The following SAMTOR variants were observed in gnomAD, a reference collection of about 807,000 sequenced individuals.
SAMTOR encodes UPF0532 protein C7orf60.
chr7:112,902,448 A>AAT, the SAMTOR span, among the ~76,000 whole-genome samples: 2 of 120,426 alleles, frequency 1.7e-5, no homozygotes, highest in South Asian at 5.6e-4. Flanking sequence ...ACAAAAAAAA[A>AAT]CAAAAAAAAA....
chr7:112,933,031 A>G, the SAMTOR span, among the ~76,000 whole-genome samples: 1 of 152,180 alleles, frequency 6.6e-6, no homozygotes, highest in Non-Finnish European at 1.5e-5. Flanking sequence ...TGGTGGGGGA[A>G]GGAAGAGGGG....
At chr7:112,897,047 A>C in the SAMTOR span, among the ~76,000 whole-genome samples, 22 of 152,162 alleles carry the variant, frequency 1.4e-4, no homozygotes, top group Admixed American at 5.9e-4. Flanking sequence ...CATAAAGAGG[A>C]AGGAGAGCCA....
chr7:112,884,832 A>G, the SAMTOR span, among the ~76,000 whole-genome samples: 1 of 152,196 alleles, frequency 6.6e-6, no homozygotes, highest in African/African-American at 2.4e-5. Flanking sequence ...GTGCCCCAGT[A>G]GGGACTCTGT....
chr7:112,862,913 C>G, the SAMTOR span, among the ~76,000 whole-genome samples: 4 of 145,858 alleles, frequency 2.7e-5, no homozygotes, highest in Non-Finnish European at 4.5e-5. Flanking sequence ...TGGGCGACAG[C>G]GTGAGACTCC....
chr7:112,882,766 T>TTAAA, the SAMTOR span, among the ~76,000 whole-genome samples: 12 of 120,652 alleles, frequency 9.9e-5, no homozygotes, highest in Admixed American at 1.6e-4. Flanking sequence ...CATCTTTTTT[T>TTAAA]AAAAAAAAAA....
the SAMTOR span, among the ~76,000 whole-genome samples, chr7:112,844,873 A>G: frequency 1.3e-5 from 2 of 152,180 alleles, no homozygotes; most frequent in Non-Finnish European, 2.9e-5. Context: ...ACAGTAAACA[A>G]AACAGCATGG....
At chr7:112,902,943 C>A in the SAMTOR span, among the ~76,000 whole-genome samples, 20 of 152,328 alleles carry the variant, frequency 1.3e-4, no homozygotes, top group African/African-American at 4.8e-4. Context: ...TAACAATACA[C>A]TTAACTTATA....
the SAMTOR span, among the ~76,000 whole-genome samples, chr7:112,828,597 C>T: frequency 6.6e-6 from 1 of 152,164 alleles, no homozygotes; most frequent in Non-Finnish European, 1.5e-5. Flanking sequence ...AGAGTTAGAA[C>T]TCCAACATAT....
chr7:112,841,531 C>T, the SAMTOR span, among the ~76,000 whole-genome samples: 1 of 152,056 alleles, frequency 6.6e-6, no homozygotes, highest in African/African-American at 2.4e-5. Context: ...ATGCTATCCC[C>T]ATCAAGCTAC....
chr7:112,878,448 G>C, the SAMTOR span, among the ~76,000 whole-genome samples: 13 of 152,162 alleles, frequency 8.5e-5, no homozygotes, highest in Non-Finnish European at 1.9e-4. Flanking sequence ...GGGCTTCTGA[G>C]ACTCCTAGGG....
the SAMTOR span, among the ~76,000 whole-genome samples, chr7:112,827,741 A>C: frequency 6.6e-6 from 1 of 152,116 alleles, no homozygotes; most frequent in Non-Finnish European, 1.5e-5. Flanking sequence ...TTATTTATTG[A>C]GACAGGGTCT....
At chr7:112,906,855 C>A in the SAMTOR span, among the ~76,000 whole-genome samples, 1 of 152,136 alleles carries the variant, frequency 6.6e-6, no homozygotes, top group Non-Finnish European at 1.5e-5. Context: ...TAGGCATGAG[C>A]CACCATGCCC....
the SAMTOR span, among the ~76,000 whole-genome samples, chr7:112,883,080 T>C: frequency 2.1e-4 from 32 of 152,328 alleles, no homozygotes; most frequent in South Asian, 6.2e-3. Context: ...ACAAATCTTT[T>C]AAGAATATGT....
the SAMTOR span, among the ~76,000 whole-genome samples, chr7:112,893,316 T>C: frequency 6.6e-6 from 1 of 152,246 alleles, no homozygotes; most frequent in Non-Finnish European, 1.5e-5. Flanking sequence ...TGAATGGTCT[T>C]TGGTAGATCT....
At chr7:112,915,446 C>T in the SAMTOR span, 1 of 1,582,224 alleles carries the variant, frequency 6.3e-7, no homozygotes, top group East Asian at 2.3e-5. Flanking sequence ...CAAAATCTCC[C>T]ACTAAAAACA....
the SAMTOR span, among the ~76,000 whole-genome samples, chr7:112,902,448 AC>A: frequency 3.4e-3 from 413 of 120,166 alleles, 48 homozygotes; most frequent in South Asian, 5.3e-3. Flanking sequence ...ACAAAAAAAA[AC>A]AAAAAAAAAA....
chr7:112,939,678 G>A, the SAMTOR span: 798 of 1,613,032 alleles, frequency 4.9e-4, no homozygotes, highest in Non-Finnish European at 6.3e-4. Flanking sequence ...TCCTGCTCCC[G>A]GGGCGGCGGA....
At chr7:112,884,670 G>C in the SAMTOR span, among the ~76,000 whole-genome samples, 1 of 152,328 alleles carries the variant, frequency 6.6e-6, no homozygotes, top group African/African-American at 2.4e-5. Flanking sequence ...CACCCCTGTG[G>C]CTTTGCAGGG....
At chr7:112,833,761 A>AT in the SAMTOR span, among the ~76,000 whole-genome samples, 8 of 152,342 alleles carry the variant, frequency 5.3e-5, no homozygotes, top group East Asian at 1.2e-3. Context: ...GATTAGCTTA[A>AT]TAACTGATCA....
Sources: gnomAD v4.1 joint callset for allele counts (sites outside exome capture counted in the v4.1 genomes callset) on GRCh38, gnomAD v4.1.1 for gene constraint, MANE v1.5 for transcripts, NCBI Gene and HGNC (gene_info 2026-07-23, HGNC 2026-07-21) for gene names.